HIBADH: variants seen among roughly 807,000 people sequenced by gnomAD.
The protein encoded by HIBADH is 3-hydroxyisobutyrate dehydrogenase.
HIBADH carries 25 observed loss-of-function variants against 36.1 expected under a neutral mutation model. The observed-to-expected ratio is 0.69, with a 90% CI of 0.50 to 0.97. HIBADH has a LOEUF of 0.97. Among genes scored for constraint, HIBADH ranks in the 50% least tolerant of loss-of-function variants. The pLI is 0.00. For synonymous variants in HIBADH, 160 were observed against 149.5 expected (o/e 1.07, Z -0.51); for missense variants, 421 against 418.0 (o/e 1.01, Z -0.06).
chr7:27,634,828 T>G (rs750723179), intron 2 of HIBADH, among the ~76,000 whole-genome samples: 1 of 152,260 alleles, frequency 6.6e-6, no homozygotes, highest in Admixed American at 6.5e-5. Flanking sequence ...TCCCATAAAC[T>G]GGCAGTGCCA....
chr7:27,610,214 TA>T (rs1431110831), intron 4 of HIBADH, among the ~76,000 whole-genome samples: 2 of 152,332 alleles, frequency 1.3e-5, no homozygotes, highest in South Asian at 2.1e-4. Context: ...AAATCATTTT[TA>T]AAAATTTTCT....
intron 2 of HIBADH, among the ~76,000 whole-genome samples, chr7:27,644,461 G>A (rs754711634): frequency 3.3e-5 from 5 of 152,034 alleles, no homozygotes; most frequent in East Asian, 1.9e-4. Flanking sequence ...TTAGACAGGC[G>A]TGGTGACATG....
At chr7:27,535,154 G>T (rs765013764) in intron 6 of HIBADH, among the ~76,000 whole-genome samples, 12 of 151,534 alleles carry the variant, frequency 7.9e-5, no homozygotes, top group Non-Finnish European at 1.8e-4. Context: ...TTCCAGATCT[G>T]TTCCTGTGAC....
intron 4 of HIBADH, among the ~76,000 whole-genome samples, chr7:27,551,515 G>C (rs527906501): frequency 6.6e-6 from 1 of 152,164 alleles, no homozygotes; most frequent in Non-Finnish European, 1.5e-5. Flanking sequence ...CTAACAGTAG[G>C]AAAGAGCTGA....
chr7:27,534,365 TAATC>T (rs1410227040), intron 6 of HIBADH, among the ~76,000 whole-genome samples: 7 of 152,156 alleles, frequency 4.6e-5, no homozygotes, highest in Non-Finnish European at 7.4e-5. Flanking sequence ...CAGTTTTAAT[TAATC>T]AATCACTTAT....
chr7:27,574,562 A>G (rs1185502048), intron 4 of HIBADH, among the ~76,000 whole-genome samples: 1 of 152,152 alleles, frequency 6.6e-6, no homozygotes, highest in East Asian at 1.9e-4. Flanking sequence ...TGTCATAACT[A>G]AGTACATAGA....
In HIBADH at chr7:27,600,930, G is replaced by A. The variant is rs540896736; in HGVS notation, c.484+28441C>T. Among the ~76,000 whole-genome samples the A allele has an allele frequency of 7.2e-5, 11 of 152,134 alleles. No individual in the cohort carries two copies. In the South Asian group the frequency reaches 1.5e-3, roughly 20 times the overall value. ...AGACTTACCAGACTACTGAATTCTC[G>A]TTCTTAGAATATGTAAAATCTATTG... On this transcript the variant is annotated intron_variant, in intron 4 of 7. Transcript: ENST00000265395.
chr7:27,561,007 T>C (rs1784458133), intron 4 of HIBADH, among the ~76,000 whole-genome samples: 1 of 152,176 alleles, frequency 6.6e-6, no homozygotes, highest in Non-Finnish European at 1.5e-5. Flanking sequence ...TTCTCATGAG[T>C]GTTCAGTGTA....
intron 4 of HIBADH, among the ~76,000 whole-genome samples, chr7:27,617,513 C>T (rs1278532555): frequency 6.6e-6 from 1 of 152,128 alleles, no homozygotes; most frequent in African/African-American, 2.4e-5. Flanking sequence ...GACAGCCACC[C>T]TCTCCAGAAA....
At position 27,662,881 on chromosome 7, in the gene HIBADH, C is replaced by A; in HGVS notation, c.-93G>T. On this transcript the variant is annotated 5_prime_UTR_variant, in exon 1 of 8. Transcript: ENST00000265395. ...GTGCAGCGGGACTGGCTGGCTCGCCCACGGAGAAGGGCGCGCGCGCACGCG... is the reference window on the plus strand; with the variant it reads ...GTGCAGCGGGACTGGCTGGCTCGCCAACGGAGAAGGGCGCGCGCGCACGCG... 5.6e-6 allele frequency: 6 copies of A among 1,068,796 alleles called. No individual in the cohort carries two copies. Among genetic ancestry groups the A allele is most frequent in the South Asian group, 2.1e-5 (1 of 46,716 alleles). 66.2% of individuals were successfully genotyped at this position (1,068,796 alleles called of 1,614,324 possible). A position where few individuals can be genotyped will look rare whatever the true frequency, so the allele number is the denominator to read the frequency against.
chr7:27,548,508 G>A (rs1784269126), intron 4 of HIBADH, among the ~76,000 whole-genome samples: 1 of 152,026 alleles, frequency 6.6e-6, no homozygotes, highest in South Asian at 2.1e-4. Flanking sequence ...GGTCCAAAGA[G>A]GAAAAATATC....
chr7:27,574,245 A>G (rs1420734542), intron 4 of HIBADH, among the ~76,000 whole-genome samples: 1 of 152,108 alleles, frequency 6.6e-6, no homozygotes, highest in Admixed American at 6.6e-5. Context: ...GTGAATCCCC[A>G]GAGAAAATTT....
chr7:27,640,320 C>T (rs1210571103), intron 2 of HIBADH, among the ~76,000 whole-genome samples: 1 of 152,160 alleles, frequency 6.6e-6, no homozygotes, highest in African/African-American at 2.4e-5. Flanking sequence ...CACTTGAGCC[C>T]AGGAGTTCAA....
rs578238839 is a variant in HIBADH, at chr7:27,526,769, T to C, written c.853-397A>G. On this transcript the variant is annotated intron_variant, in intron 7 of 7. Transcript: ENST00000265395. ...AAATACAGTTGCAAATATTACTTCATCCAATAAATATTTGAAGTGTGCTGA... is the reference window on the plus strand; with the variant it reads ...AAATACAGTTGCAAATATTACTTCACCCAATAAATATTTGAAGTGTGCTGA... 4.0e-5 allele frequency among the ~76,000 whole-genome samples: 6 copies of C among 151,656 alleles called. No homozygotes were observed. The South Asian group carries it at 1.2e-3, about 31-fold the overall frequency.
chr7:27,564,017 G>GCCTCAC (rs1784504262), intron 4 of HIBADH, among the ~76,000 whole-genome samples: 2 of 151,084 alleles, frequency 1.3e-5, no homozygotes, highest in African/African-American at 4.9e-5. Flanking sequence ...TCCTGCCTCA[G>GCCTCAC]CCTCCCAAGT....
intron 4 of HIBADH, among the ~76,000 whole-genome samples, chr7:27,622,521 A>G (rs927527369): frequency 6.6e-6 from 1 of 152,162 alleles, no homozygotes; most frequent in Non-Finnish European, 1.5e-5. Context: ...GATAAATAAA[A>G]TTGATAAACC....
chr7:27,544,586 T>C (rs2128184660), intron 4 of HIBADH, among the ~76,000 whole-genome samples: 1 of 152,336 alleles, frequency 6.6e-6, no homozygotes, highest in Admixed American at 6.5e-5. Flanking sequence ...CCATTAATGT[T>C]TTATAATTAT....
At chr7:27,561,566 T>C (rs1319928206) in intron 4 of HIBADH, among the ~76,000 whole-genome samples, 1 of 152,160 alleles carries the variant, frequency 6.6e-6, no homozygotes, top group Admixed American at 6.6e-5. Context: ...AATAATTTTT[T>C]GATGTGTCTT....
chr7:27,530,743 T>G (rs1399474983), intron 7 of HIBADH, among the ~76,000 whole-genome samples: 1 of 152,298 alleles, frequency 6.6e-6, no homozygotes, highest in African/African-American at 2.4e-5. Context: ...ATTAAAATCT[T>G]AAAGCAGGAA....
Sources: allele counts gnomAD v4.1 joint callset (sites outside exome capture counted in the v4.1 genomes callset), GRCh38; gene constraint gnomAD v4.1.1; transcripts MANE v1.5; gene names NCBI Gene and HGNC (gene_info 2026-07-23, HGNC 2026-07-21).